Variants in MGAT4C observed in about 807,000 individuals in gnomAD.
MGAT4C encodes alpha-1,3-mannosyl-glycoprotein 4-beta-N-acetylglucosaminyltransferase C.
Under a neutral mutation model 40.1 loss-of-function variants are expected in MGAT4C, and 19 were observed. The observed-to-expected ratio is 0.47, with a 90% CI of 0.33 to 0.70. The LOEUF (loss-of-function observed/expected upper bound fraction) is 0.70, where lower values mean the gene tolerates loss of function less well. Ranked by LOEUF, MGAT4C falls within the 30% of genes least tolerant of loss-of-function variation. The probability of loss-of-function intolerance (pLI) is 0.02; values close to 1 mark genes in which losing one functional copy is unlikely to be tolerated. For missense variants in MGAT4C, 491 were observed against 563.2 expected (o/e 0.87, Z 1.30); for synonymous variants, 181 against 187.1 (o/e 0.97, Z 0.27).
At chr12:86,554,991 A>C (rs1215063839) in intron 2 of MGAT4C, among the ~76,000 whole-genome samples, 3 of 152,080 alleles carry the variant, frequency 2.0e-5, no homozygotes, top group Non-Finnish European at 4.4e-5. Context: ...AGCCAGCAGC[A>C]TAACAACTTT....
chr12:86,015,406 T>C (rs1888989339), intron 2 of MGAT4C, among the ~76,000 whole-genome samples: 3 of 152,086 alleles, frequency 2.0e-5, no homozygotes, highest in African/African-American at 4.8e-5. Flanking sequence ...GAAGAGGAAC[T>C]GGAGGACCAG....
intron 1 of MGAT4C, among the ~76,000 whole-genome samples, chr12:86,061,378 C>A (rs1294667072): frequency 6.6e-6 from 1 of 152,140 alleles, no homozygotes; most frequent in Admixed American, 6.5e-5. Context: ...CCAGGAGATT[C>A]CCTTGGTGCC....
chr12:86,243,494 T>C (rs933880114), intron 1 of MGAT4C, among the ~76,000 whole-genome samples: 3 of 152,172 alleles, frequency 2.0e-5, no homozygotes, highest in African/African-American at 7.2e-5. Flanking sequence ...GTCGCTCCCA[T>C]GATTTTATTA....
At chr12:86,618,298 G>T (rs1041263710) in intron 2 of MGAT4C, among the ~76,000 whole-genome samples, 1 of 152,076 alleles carries the variant, frequency 6.6e-6, no homozygotes, top group Non-Finnish European at 1.5e-5. Context: ...ATTAAAACTA[G>T]CACAAGATAG....
intron 2 of MGAT4C, among the ~76,000 whole-genome samples, chr12:86,516,219 T>C (rs972701279): frequency 2.0e-5 from 3 of 152,110 alleles, no homozygotes; most frequent in Non-Finnish European, 4.4e-5. Context: ...GCTACAGTAA[T>C]CAAGATGACA....
At chr12:86,303,237 G>T (rs558627262) in intron 4 of MGAT4C, among the ~76,000 whole-genome samples, 4 of 150,560 alleles carry the variant, frequency 2.7e-5, no homozygotes, top group South Asian at 4.2e-4. Flanking sequence ...ATTAATCTAA[G>T]ATGTTATTAT....
At position 86,612,676 on chromosome 12, in the gene MGAT4C, G is replaced by C. The variant is rs117308635; in HGVS notation, c.-229+114533C>G. ...AATCGCTTGAATCCGGGAAGCGAAGGCTGCAGTGAGAGGAGATCATGCCAC... is the reference window on the plus strand; with the variant it reads ...AATCGCTTGAATCCGGGAAGCGAAGCCTGCAGTGAGAGGAGATCATGCCAC... On this transcript the variant is annotated intron_variant, in intron 2 of 7. Transcript: ENST00000548651. Among the ~76,000 whole-genome samples the C allele has an allele frequency of 4.7e-5, 7 of 150,106 alleles. No individual in the cohort carries two copies. The East Asian group carries it at 7.8e-4, about 17-fold the overall frequency.
intron 3 of MGAT4C, among the ~76,000 whole-genome samples, chr12:86,371,939 G>T (rs913755439): frequency 7.2e-5 from 11 of 151,832 alleles, no homozygotes; most frequent in Non-Finnish European, 1.5e-4. Context: ...GAATTTTCCT[G>T]GAGGATACTT....
chr12:86,220,886 G>A (rs767680241), intron 1 of MGAT4C, among the ~76,000 whole-genome samples: 3 of 152,148 alleles, frequency 2.0e-5, no homozygotes, highest in Admixed American at 6.6e-5. Context: ...TTAGCATAAT[G>A]TAAATGAAGT....
At position 86,559,056 on chromosome 12, in the gene MGAT4C, C is replaced by G. The variant is rs531761973; in HGVS notation, c.-228-123791G>C. ...CAGGCATACCTATATTTGTGTCAGACAGAACAGACTTTAAGTCAAAAACTG... is the reference window on the plus strand; with the variant it reads ...CAGGCATACCTATATTTGTGTCAGAGAGAACAGACTTTAAGTCAAAAACTG... On this transcript the variant is annotated intron_variant, in intron 2 of 7. Transcript: ENST00000548651. Among the ~76,000 whole-genome samples the G allele has an allele frequency of 1.4e-3, 219 of 151,112 alleles. 3 individuals are homozygous for G. Among genetic ancestry groups the G allele is most frequent in the African/African-American group, 3.7e-3 (154 of 41,228 alleles).
At chr12:86,380,244 G>T in intron 3 of MGAT4C, among the ~76,000 whole-genome samples, 1 of 151,900 alleles carries the variant, frequency 6.6e-6, no homozygotes, top group African/African-American at 2.4e-5. Context: ...ACTACAAAAG[G>T]CTTCACACTG....
In MGAT4C at chr12:86,402,434, A is replaced by T. The variant is rs9971717; in HGVS notation, c.-120+32723T>A. 7.3e-3 allele frequency among the ~76,000 whole-genome samples: 1,108 copies of T among 152,248 alleles called. 15 individuals are homozygous for T. The highest frequency in any genetic ancestry group is 0.025 in the African/African-American group (1,051 of 41,538). ...AAAGAGCGAGACTCCATTTCAAAAA[A>T]AATAATAATAATAAAAATAAGAGGT... On this transcript the variant is annotated intron_variant, in intron 3 of 7. Coordinates refer to the MGAT4C transcript ENST00000548651.
At chr12:85,989,271 C>G (rs953560039) in intron 3 of MGAT4C, 129 bp downstream of exon 3, 3 of 696,700 alleles carry the variant, frequency 4.3e-6, no homozygotes, top group Non-Finnish European at 6.6e-6. Context: ...AGACAATATA[C>G]ATGTTATAAT....
chr12:86,293,425 C>T (rs1953576503), intron 4 of MGAT4C, among the ~76,000 whole-genome samples: 1 of 151,898 alleles, frequency 6.6e-6, no homozygotes, highest in Non-Finnish European at 1.5e-5. Context: ...ATATTTCTTT[C>T]TGTTTTTAAA....
intron 3 of MGAT4C, among the ~76,000 whole-genome samples, chr12:86,434,274 T>C (rs2136272184): frequency 6.6e-6 from 1 of 152,066 alleles, no homozygotes; most frequent in South Asian, 2.1e-4. Flanking sequence ...GAACTAAAGT[T>C]TACCAAGAAA....
rs1225041448 is a variant in MGAT4C, at chr12:86,034,441, C to G, written c.-7+15233G>C. Among the ~76,000 whole-genome samples, 3 of 149,054 alleles carry G rather than the reference C, an allele frequency of 2.0e-5. No homozygotes were observed. In the East Asian group the frequency reaches 5.8e-4, roughly 29 times the overall value. On this transcript the variant is annotated intron_variant, in intron 2 of 4. Transcript: ENST00000611864. ...ATCTTATATTGGAAGTCATTGGTCTCCAGGGATTCACTTTCTTTCTGGTTC... is the reference window on the plus strand; with the variant it reads ...ATCTTATATTGGAAGTCATTGGTCTGCAGGGATTCACTTTCTTTCTGGTTC...
At chr12:86,080,443 C>A (rs1213054192) in intron 1 of MGAT4C, among the ~76,000 whole-genome samples, 4 of 152,080 alleles carry the variant, frequency 2.6e-5, no homozygotes, top group African/African-American at 9.7e-5. Context: ...TATTTTCACA[C>A]TGGAAATTAT....
chr12:85,963,677 C>G lies in MGAT4C; in HGVS notation c.*15612G>C, dbSNP rs1172540791. On this transcript the variant is annotated 3_prime_UTR_variant, in exon 5 of 5. Coordinates refer to ENST00000611864, the MANE Select transcript of MGAT4C (RefSeq NM_001351288.2). Reference sequence around the variant, plus strand: ...AAAATCTGAACAGATATTATTGAGGCTCAAGGTTGTTTAATGGCACAGATA... The same window carrying G: ...AAAATCTGAACAGATATTATTGAGGGTCAAGGTTGTTTAATGGCACAGATA... 1 of 151,854 alleles carries G rather than the reference C, an allele frequency of 6.6e-6. No individual in the cohort carries two copies. Among genetic ancestry groups the G allele is most frequent in the Non-Finnish European group, 1.5e-5 (1 of 67,908 alleles). 9.4% of individuals were successfully genotyped at this position (151,854 alleles called of 1,614,324 possible). A position where few individuals can be genotyped will look rare whatever the true frequency, so the allele number is the denominator to read the frequency against.
intron 1 of MGAT4C, among the ~76,000 whole-genome samples, chr12:86,818,493 A>T (rs1952646712): frequency 1.3e-5 from 2 of 151,074 alleles, no homozygotes; most frequent in South Asian, 4.1e-4. Context: ...CTGTAGTGAG[A>T]TGTCTAACAA....
Sources: allele counts gnomAD v4.1 joint callset (sites outside exome capture counted in the v4.1 genomes callset), GRCh38; gene constraint gnomAD v4.1.1; transcripts MANE v1.5; gene names NCBI Gene and HGNC (gene_info 2026-07-23, HGNC 2026-07-21).